PLA2G5: variants seen among roughly 807,000 people sequenced by gnomAD.
PLA2G5 encodes phospholipase A2 group V, also known as Ca2+-dependent phospholipase A2.
PLA2G5 carries 12 observed loss-of-function variants against 15.9 expected under a neutral mutation model. That is an observed-to-expected ratio of 0.76 (90% CI 0.48 to 1.23). The LOEUF is 1.23. PLA2G5 is among the 50% of genes most tolerant of loss of function. PLA2G5 has a pLI of 0.00. For missense variants in PLA2G5, 169 were observed against 177.1 expected, an observed-to-expected ratio of 0.95 and a Z score of 0.26; for synonymous variants, 71 against 71.4, an observed-to-expected ratio of 0.99 and a Z score of 0.03.
chr1:20,056,660 G>C (rs1557733882), intron 1 of PLA2G5, among the ~76,000 whole-genome samples: 1 of 152,040 alleles, frequency 6.6e-6, no homozygotes, highest in Admixed American at 6.6e-5. Flanking sequence ...TTTAAGATAT[G>C]GTGGTGTGTA....
chr1:20,050,432 A>G (rs2014126771), intron 1 of PLA2G5, among the ~76,000 whole-genome samples: 1 of 152,190 alleles, frequency 6.6e-6, no homozygotes, highest in Non-Finnish European at 1.5e-5. Context: ...TGAGAGATAA[A>G]ATAAGTTCAG....
chr1:20,081,819 C>T (rs986972164), intron 1 of PLA2G5, among the ~76,000 whole-genome samples: 15 of 151,722 alleles, frequency 9.9e-5, no homozygotes, highest in African/African-American at 2.9e-4. Flanking sequence ...TTTAGGAGGC[C>T]GAGGTGGGCG....
At chr1:20,048,632 A>G (rs760770849) in intron 1 of PLA2G5, among the ~76,000 whole-genome samples, 1 of 152,174 alleles carries the variant, frequency 6.6e-6, no homozygotes, top group Non-Finnish European at 1.5e-5. Context: ...AGTTCCTCCA[A>G]AAGTTAGTTT....
intron 2 of PLA2G5, among the ~76,000 whole-genome samples, chr1:20,061,667 A>G (rs2014742525): frequency 6.6e-6 from 1 of 152,120 alleles, no homozygotes; most frequent in Non-Finnish European, 1.5e-5. Flanking sequence ...AACAGGGCCT[A>G]AAAGAATCCC....
intron 1 of PLA2G5, among the ~76,000 whole-genome samples, chr1:20,051,601 A>G (rs994376565): frequency 1.3e-5 from 2 of 152,230 alleles, no homozygotes; most frequent in African/African-American, 2.4e-5. Context: ...GGTATTCATA[A>G]CTTATGGCAA....
At chr1:20,035,727 A>C (rs2013208453) in intron 1 of PLA2G5, among the ~76,000 whole-genome samples, 1 of 152,164 alleles carries the variant, frequency 6.6e-6, no homozygotes, top group African/African-American at 2.4e-5. Context: ...ATTCAATGTG[A>C]GTATTGAAAT....
intron 1 of PLA2G5, chr1:20,028,748 A>G (rs1286424167): frequency 6.6e-6 from 1 of 152,246 alleles, no homozygotes; most frequent in Non-Finnish European, 1.5e-5. Context: ...AAGAGGAGGA[A>G]GATTAAGGGC....
Position 20,031,517 on chromosome 1 carries a change from A to G in PLA2G5, n.276+2808A>G, listed in dbSNP as rs12037330. Among the ~76,000 whole-genome samples the G allele has an allele frequency of 0.021, 3,182 of 152,294 alleles. 254 individuals are homozygous for G. The East Asian group carries it at 0.26, about 12-fold the overall frequency. On this transcript the variant is annotated intron_variant and non_coding_transcript_variant, in intron 1 of 6. Transcript: ENST00000460175. Reference sequence around the variant, plus strand: ...TCCAGGGATGTGGGGAAGGAATAACAGGAAAGATCTGAAACAATGTACCAG... The same window carrying G: ...TCCAGGGATGTGGGGAAGGAATAACGGGAAAGATCTGAAACAATGTACCAG...
chr1:20,044,206 G>A (rs1387738665), intron 1 of PLA2G5, among the ~76,000 whole-genome samples: 1 of 152,198 alleles, frequency 6.6e-6, no homozygotes, highest in Non-Finnish European at 1.5e-5. Flanking sequence ...TGCAGCTTAG[G>A]CATGTGTGGC....
intron 2 of PLA2G5, among the ~76,000 whole-genome samples, chr1:20,062,093 T>A (rs539710108): frequency 2.0e-5 from 3 of 152,348 alleles, no homozygotes; most frequent in African/African-American, 7.2e-5. Flanking sequence ...CCACTATGAC[T>A]AAGCTTCCTG....
intron 1 of PLA2G5, among the ~76,000 whole-genome samples, chr1:20,073,481 C>T (rs938992969): frequency 2.6e-5 from 4 of 152,180 alleles, no homozygotes; most frequent in African/African-American, 9.7e-5. Context: ...AGGAAGCTGC[C>T]AATTTACAGC....
intron 1 of PLA2G5, among the ~76,000 whole-genome samples, chr1:20,051,734 C>G (rs549368729): frequency 6.6e-6 from 1 of 152,262 alleles, no homozygotes; most frequent in East Asian, 1.9e-4. Context: ...AGGAATCAAA[C>G]TTGAGTTATG....
chr1:20,034,779 G>C (rs771975247), intron 1 of PLA2G5, among the ~76,000 whole-genome samples: 2 of 152,154 alleles, frequency 1.3e-5, no homozygotes, highest in African/African-American at 4.8e-5. Context: ...GTGAGGAAAG[G>C]CTGGAGCAGC....
At chr1:20,069,399 G>A (rs2148912), upstream of PLA2G5, among the ~76,000 whole-genome samples, 9,500 of 152,262 alleles carry the variant, frequency 0.062, 490 homozygotes, top group East Asian at 0.25. Flanking sequence ...AAGTCTGGCC[G>A]TGGTGGCTCA....
intron 1 of PLA2G5, 62 bp downstream of exon 1, chr1:20,070,527 G>A (rs1008969781): frequency 3.1e-6 from 3 of 952,964 alleles, no homozygotes; most frequent in Non-Finnish European, 3.7e-6. Context: ...CTGGGAGGGA[G>A]AGACTGGAGA....
At chr1:20,077,164 A>G (rs1308871964) in intron 1 of PLA2G5, among the ~76,000 whole-genome samples, 4 of 152,250 alleles carry the variant, frequency 2.6e-5, no homozygotes, top group African/African-American at 9.6e-5. Flanking sequence ...AATGGATCAG[A>G]GGACAATTTT....
At chr1:20,084,078 G>A (rs960365425) in intron 1 of PLA2G5, among the ~76,000 whole-genome samples, 70 of 151,886 alleles carry the variant, frequency 4.6e-4, no homozygotes, top group African/African-American at 1.7e-3. Context: ...AAATAATTAT[G>A]TGAATATAGA....
rs1325597607 is a variant in PLA2G5, at chr1:20,082,829, G to C, written c.-10-1992G>C. ...AATCAAAAGCATGTTTAGTGCCCAG[G>C]GATGCTCAGAGGCAGTGGAGTAGAG... On this transcript the variant is annotated intron_variant, in intron 1 of 4. Transcript: ENST00000375108. 2.0e-5 allele frequency among the ~76,000 whole-genome samples: 3 copies of C among 151,926 alleles called. 1 individual carries two copies. The highest frequency in any genetic ancestry group is 7.3e-5 in the African/African-American group (3 of 41,200).
chr1:20,090,580 T>C lies in PLA2G5; in HGVS notation c.305T>C (p.Phe102Ser). ...TGTCCTTTTGCAGAGCCCGGGCCCT[T>C]CTGCCATGTGAACCTCTGTGCCTGT... ...WGVVTCEPGP[F>S]CHVNLCACDR... Residue 102 changes from phenylalanine (F) to serine (S), a missense_variant, in exon 5 of 5, where the codon TTC (phenylalanine) becomes TCC (serine). Phe to Ser is a radical substitution (Grantham distance 155). Coordinates refer to ENST00000375108, the MANE Select transcript of PLA2G5 (RefSeq NM_000929.3). 4 of 1,614,116 alleles carry C rather than the reference T, an allele frequency of 2.5e-6. No individual in the cohort carries two copies. Among genetic ancestry groups the C allele is most frequent in the Non-Finnish European group, 2.5e-6 (3 of 1,179,982 alleles).
Sources: allele counts gnomAD v4.1 joint callset (sites outside exome capture counted in the v4.1 genomes callset), GRCh38; gene constraint gnomAD v4.1.1; transcripts MANE v1.5; gene names NCBI Gene and HGNC (gene_info 2026-07-23, HGNC 2026-07-21).